The following ZNF77 variants were observed in gnomAD, a reference collection of about 807,000 sequenced individuals.
ZNF77 encodes ZNFpT1.
A neutral mutation model predicts 13.5 loss-of-function variants in ZNF77; 15 were observed. The ratio of observed to expected loss-of-function variants is 1.11; its 90% CI spans 0.74 to 1.71. ZNF77 has a LOEUF of 1.71. Among genes scored for constraint, ZNF77 ranks in the 40% most tolerant of loss-of-function variants. ZNF77 has a pLI of 0.00. For synonymous variants in ZNF77, 282 were observed against 250.0 expected (o/e 1.13, Z -1.21); for missense variants, 717 against 676.4 (o/e 1.06, Z -0.67).
rs10633206 is a variant in ZNF77, at chr19:2,943,692, A to ATTTTTTTTTTT, written c.3+1135_3+1145dup. ...TTTTCTCTCTCCTTCTCTAGCCAGG[A>ATTTTTTTTTTT]TTTTTTTTTTTTTTTTTTTTTTTGG... On this transcript the variant is annotated intron_variant, in intron 1 of 3. Coordinates refer to ENST00000314531, the MANE Select transcript of ZNF77 (RefSeq NM_021217.3). Among the ~76,000 whole-genome samples the ATTTTTTTTTTT allele has an allele frequency of 4.4e-4, 34 of 76,756 alleles. 1 individual carries two copies. The highest frequency in any genetic ancestry group is 1.3e-3 in the African/African-American group (24 of 18,764). The allele number at this position is 76,756 out of a possible 152,430, so 50.4% of individuals were successfully genotyped here. A position where few individuals can be genotyped will look rare whatever the true frequency, so the allele number is the denominator to read the frequency against.
Position 2,933,674 on chromosome 19 carries a change from A to G in ZNF77, c.1453T>C (p.Ser485Pro), listed in dbSNP as rs755496877. Reference protein sequence around the residue: ...HAQYFQKHVRSHSGVKPYECT... With the variant: ...HAQYFQKHVRPHSGVKPYECT... ...TCGTAGGGTTTGACCCCACTGTGTG[A>G]TCTCACATGCTTTTGAAAGTACTGA... The change falls in exon 4 of 4, where the codon TCA (serine) becomes CCA (proline). Residue 485 changes from serine to proline, a missense_variant. Ser to Pro is a moderately conservative substitution (Grantham distance 74). Coordinates refer to ENST00000314531, the MANE Select transcript of ZNF77 (RefSeq NM_021217.3). The G allele has an allele frequency of 1.2e-6, 2 of 1,612,166 alleles. No individual in the cohort carries two copies. Among genetic ancestry groups the G allele is most frequent in the African/African-American group, 2.7e-5 (2 of 74,728 alleles).
At chr19:2,936,439 G>GTGCCC in intron 3 of ZNF77, 85 bp downstream of exon 3, 2 of 1,434,644 alleles carry the variant, frequency 1.4e-6, no homozygotes, top group African/African-American at 2.9e-5. Context: ...GCGAGCCCCT[G>GTGCCC]TGCCCAGCCG....
intron 1 of ZNF77, among the ~76,000 whole-genome samples, chr19:2,942,190 G>A (rs113275447): frequency 4.0e-5 from 6 of 151,408 alleles, no homozygotes; most frequent in South Asian, 2.1e-4. Flanking sequence ...TCCTGCCTCA[G>A]ACTCCCAAGT....
intron 1 of ZNF77, among the ~76,000 whole-genome samples, chr19:2,942,993 G>A (rs555669680): frequency 1.3e-5 from 2 of 152,204 alleles, no homozygotes; most frequent in African/African-American, 4.8e-5. Context: ...TGTTGGCCAG[G>A]CTGGTCTTGA....
chr19:2,938,815 G>T (rs1359217226), intron 2 of ZNF77, among the ~76,000 whole-genome samples: 1 of 152,124 alleles, frequency 6.6e-6, no homozygotes, highest in Non-Finnish European at 1.5e-5. Context: ...AATTAGCCAG[G>T]CGTGGTGGTG....
chr19:2,944,713 C>A, intron 1 of ZNF77, 125 bp downstream of exon 1: 1 of 1,330,474 alleles, frequency 7.5e-7, no homozygotes, highest in Admixed American at 3.0e-5. Flanking sequence ...CCCCGGGGCC[C>A]AGGCGCTCGT....
chr19:2,934,461 A>G lies in ZNF77; in HGVS notation c.666T>C (p.Ile222=). The G allele has an allele frequency of 6.2e-7, 1 of 1,614,202 alleles. No individual in the cohort carries two copies. Among genetic ancestry groups the G allele is most frequent in the Non-Finnish European group, 8.5e-7 (1 of 1,180,034 alleles). Residue 222 remains isoleucine, a synonymous_variant, in exon 4 of 4, where the codon ATT becomes ATC. Coordinates refer to ENST00000314531, the MANE Select transcript of ZNF77 (RefSeq NM_021217.3). ...CATGTCCCCTGAAAGATGAGGGACA[A>G]ATGAAAGCTTTTCCACATTTCTGAC... is the stretch of plus-strand genomic sequence containing the variant. ...YECQKCGKAF[I]CPSSFRGHVN...
rs770910866 is a variant in ZNF77 at position 2,933,856 on chromosome 19, C to A, written c.1271G>T (p.Arg424Leu). ...TCCAGTATGCGTCCTCACGTGGATT[C>A]GAAGGGAGGAGGAAAAACTGTAGGC... ...GKAYSFSSSL[R>L]IHVRTHTGEK... Residue 424 changes from arginine (R) to leucine (L), a missense_variant, in exon 4 of 4, where the codon CGA (arginine) becomes CTA (leucine). Coordinates refer to ENST00000314531, the MANE Select transcript of ZNF77 (RefSeq NM_021217.3). 6.2e-7 allele frequency: 1 copy of A among 1,613,416 alleles called. No homozygotes were observed. Among genetic ancestry groups the A allele is most frequent in the Non-Finnish European group, 8.5e-7 (1 of 1,179,730 alleles).
intron 3 of ZNF77, 36 bp downstream of exon 3, chr19:2,936,488 C>T (rs370029825): frequency 1.1e-4 from 164 of 1,545,330 alleles, no homozygotes; most frequent in Non-Finnish European, 1.2e-4. Flanking sequence ...TGATGCTCTG[C>T]GGAGAGGCCC....
chr19:2,939,039 AGGAG>A, intron 2 of ZNF77, among the ~76,000 whole-genome samples: 1 of 104,408 alleles, frequency 9.6e-6, no homozygotes, highest in Middle Eastern at 5.6e-3. Flanking sequence ...CCCTTACCCA[AGGAG>A]GCAGTGAGGG....
At chr19:2,937,281 C>T (rs1478712846) in intron 2 of ZNF77, among the ~76,000 whole-genome samples, 3 of 152,154 alleles carry the variant, frequency 2.0e-5, no homozygotes, top group Admixed American at 6.6e-5. Flanking sequence ...GTCAGGAGTT[C>T]GAAACCAGCC....
At position 2,933,977 on chromosome 19, in the gene ZNF77, G is replaced by A. The variant is rs779030199; in HGVS notation, c.1150C>T (p.Gln384Ter). ...GGACATCCGAAGGCCTTCCCACACTGCTTGCACACATAGGGCTTCTCTCCG... is the reference window on the plus strand; with the variant it reads ...GGACATCCGAAGGCCTTCCCACACTACTTGCACACATAGGGCTTCTCTCCG... ...HTGEKPYVCKQCGKAFGCPTY... is the reference protein window; with the variant it reads ...HTGEKPYVCK The change falls in exon 4 of 4, where the codon CAG becomes TAG. Residue 384 changes from glutamine (Q) to a stop codon, truncating the protein, a stop_gained. Transcript: ENST00000314531. LOFTEE classifies it low-confidence loss of function (END_TRUNC). The A allele has an allele frequency of 1.2e-6, 2 of 1,614,122 alleles. No homozygotes were observed. Among genetic ancestry groups the A allele is most frequent in the Non-Finnish European group, 8.5e-7 (1 of 1,180,036 alleles).
At chr19:2,944,323 C>G (rs1178396449) in intron 1 of ZNF77, among the ~76,000 whole-genome samples, 1 of 143,500 alleles carries the variant, frequency 7.0e-6, no homozygotes, top group African/African-American at 2.6e-5. Context: ...AAACTGCCTT[C>G]GAGCCCCTGA....
At chr19:2,943,705 T>TTTG (rs765345145) in intron 1 of ZNF77, among the ~76,000 whole-genome samples, 2 of 147,684 alleles carry the variant, frequency 1.4e-5, no homozygotes, top group African/African-American at 5.0e-5. Flanking sequence ...TTTTTTTTTT[T>TTTG]TTTTTTTTTT....
chr19:2,938,934 C>T (rs564162750), intron 2 of ZNF77, among the ~76,000 whole-genome samples: 4 of 148,638 alleles, frequency 2.7e-5, no homozygotes, highest in African/African-American at 5.0e-5. Context: ...CCAGCTTGGG[C>T]GAGAGAGCAA....
In ZNF77 at chr19:2,933,417, A is replaced by C; in HGVS notation, c.*72T>G. ...CCAGGTTTTCCTACATGCTCTACAT[A>C]AATAACGTTTCTCACATTTACAACA... On this transcript the variant is annotated 3_prime_UTR_variant, in exon 4 of 4. Coordinates refer to ENST00000314531, the MANE Select transcript of ZNF77 (RefSeq NM_021217.3). 6.7e-7 allele frequency: 1 copy of C among 1,493,138 alleles called. No individual in the cohort carries two copies. Among genetic ancestry groups the C allele is most frequent in the Non-Finnish European group, 8.9e-7 (1 of 1,121,926 alleles). 92.5% of individuals were successfully genotyped at this position (1,493,138 alleles called of 1,614,324 possible). A position where few individuals can be genotyped will look rare whatever the true frequency, so the allele number is the denominator to read the frequency against.
At chr19:2,944,289 C>T (rs1340414192) in intron 1 of ZNF77, among the ~76,000 whole-genome samples, 3 of 142,376 alleles carry the variant, frequency 2.1e-5, no homozygotes, top group African/African-American at 5.3e-5. Context: ...CCCCCAAACT[C>T]CCGACTGCAG....
intron 2 of ZNF77, among the ~76,000 whole-genome samples, chr19:2,936,910 C>T (rs904090640): frequency 6.6e-6 from 1 of 152,180 alleles, no homozygotes; most frequent in African/African-American, 2.4e-5. Flanking sequence ...TGCAGTGGCT[C>T]ATGCCTGTAA....
intron 1 of ZNF77, among the ~76,000 whole-genome samples, chr19:2,942,261 G>A (rs11668035): frequency 0.18 from 26,549 of 151,568 alleles, 2,683 homozygotes; most frequent in African/African-American, 0.27. Flanking sequence ...TAGTAGAGAC[G>A]GGGTTTCCCC....
Sources: gnomAD v4.1 joint callset for allele counts (sites outside exome capture counted in the v4.1 genomes callset) on GRCh38, gnomAD v4.1.1 for gene constraint, MANE v1.5 for transcripts, NCBI Gene and HGNC (gene_info 2026-07-23, HGNC 2026-07-21) for gene names.